Variants in PCDH15 observed in about 807,000 individuals in gnomAD.
PCDH15 encodes the protein protocadherin-15.
A neutral mutation model predicts 178.5 loss-of-function variants in PCDH15; 129 were observed. The observed-to-expected ratio is 0.72, with a 90% CI of 0.63 to 0.84. PCDH15 has a LOEUF of 0.84. Ranked by LOEUF, PCDH15 falls within the 40% of genes least tolerant of loss-of-function variation. The probability of loss-of-function intolerance (pLI) is 0.00; values close to 1 mark genes in which losing one functional copy is unlikely to be tolerated. For missense variants in PCDH15, 2,230 were observed against 2,099.9 expected, an observed-to-expected ratio of 1.06 and a Z score of -1.21; for synonymous variants, 800 against 732.0, an observed-to-expected ratio of 1.09 and a Z score of -1.50.
intron 2 of PCDH15, among the ~76,000 whole-genome samples, chr10:55,127,957 T>G (rs1271639419): frequency 6.6e-6 from 1 of 152,012 alleles, no homozygotes; most frequent in East Asian, 1.9e-4. Flanking sequence ...CCCAAGTGGT[T>G]TTCAAGATTG....
chr10:53,884,428 C>T (rs1412254916), intron 26 of PCDH15, among the ~76,000 whole-genome samples: 1 of 152,044 alleles, frequency 6.6e-6, no homozygotes, highest in African/African-American at 2.4e-5. Flanking sequence ...AATTAATGAC[C>T]CCAAATCACA....
At chr10:54,660,654 T>C (rs1360515140) in intron 2 of PCDH15, among the ~76,000 whole-genome samples, 1 of 151,774 alleles carries the variant, frequency 6.6e-6, no homozygotes, top group East Asian at 1.9e-4. Flanking sequence ...ACTGAACACA[T>C]ACACACAAAG....
chr10:54,668,586 A>C (rs946248230), intron 1 of PCDH15, among the ~76,000 whole-genome samples: 1 of 152,184 alleles, frequency 6.6e-6, no homozygotes, highest in African/African-American at 2.4e-5. Context: ...AAAGTCTGGA[A>C]ATACACAAAG....
At chr10:54,023,678 TGTTA>T (rs1471683393) in intron 18 of PCDH15, among the ~76,000 whole-genome samples, 1 of 120,590 alleles carries the variant, frequency 8.3e-6, no homozygotes, top group African/African-American at 2.6e-5. Flanking sequence ...TATGTTATGC[TGTTA>T]TTTATGTGAT....
chr10:54,110,456 C>A (rs1470356774), intron 15 of PCDH15, among the ~76,000 whole-genome samples: 1 of 151,960 alleles, frequency 6.6e-6, no homozygotes, highest in East Asian at 1.9e-4. Flanking sequence ...CTATTTGGGG[C>A]ATTACACTGT....
chr10:54,750,782 C>T (rs1344969353), intron 1 of PCDH15, among the ~76,000 whole-genome samples: 1 of 151,978 alleles, frequency 6.6e-6, no homozygotes, highest in East Asian at 1.9e-4. Flanking sequence ...AAATTTTTGT[C>T]AGTTTACAAA....
chr10:55,189,809 T>G (rs1839895528), intron 1 of PCDH15, among the ~76,000 whole-genome samples: 1 of 151,826 alleles, frequency 6.6e-6, no homozygotes, highest in Admixed American at 6.6e-5. Flanking sequence ...TCTTATACAT[T>G]AATGAATGGA....
At chr10:54,223,176 T>C (rs2053041656) in intron 9 of PCDH15, among the ~76,000 whole-genome samples, 1 of 151,610 alleles carries the variant, frequency 6.6e-6, no homozygotes, top group African/African-American at 2.4e-5. Context: ...CCAGGCATGG[T>C]GGCACTTGCC....
chr10:55,071,465 G>C (rs925664417), intron 2 of PCDH15, among the ~76,000 whole-genome samples: 5 of 152,180 alleles, frequency 3.3e-5, no homozygotes, highest in Non-Finnish European at 5.9e-5. Flanking sequence ...TGATAAAACA[G>C]ACTTTAAACC....
intron 3 of PCDH15, among the ~76,000 whole-genome samples, chr10:54,878,198 G>T (rs1430493201): frequency 6.6e-6 from 1 of 151,676 alleles, no homozygotes; most frequent in African/African-American, 2.4e-5. Flanking sequence ...CCTGACCTCA[G>T]GTGATCCACC....
chr10:55,573,821 G>A (rs1842449858), intron 2 of PCDH15, among the ~76,000 whole-genome samples: 1 of 151,778 alleles, frequency 6.6e-6, no homozygotes, highest in Non-Finnish European at 1.5e-5. Context: ...TATGGTCTAT[G>A]ATGTTTCCAT....
chr10:55,500,454 A>T (rs964861558), intron 2 of PCDH15, among the ~76,000 whole-genome samples: 5 of 151,784 alleles, frequency 3.3e-5, no homozygotes, highest in African/African-American at 1.2e-4. Context: ...TTTCCTATTG[A>T]GTGTTGAAGT....
At chr10:54,130,722 C>A (rs2042368603) in intron 15 of PCDH15, among the ~76,000 whole-genome samples, 1 of 152,190 alleles carries the variant, frequency 6.6e-6, no homozygotes, top group Admixed American at 6.5e-5. Context: ...ATCTTCAAAA[C>A]TATATTTCCC....
intron 18 of PCDH15, among the ~76,000 whole-genome samples, chr10:54,047,762 C>A (rs1195324010): frequency 6.6e-6 from 1 of 152,082 alleles, no homozygotes; most frequent in East Asian, 1.9e-4. Context: ...TTTTTTATGA[C>A]TGTTTAGTAC....
intron 13 of PCDH15, among the ~76,000 whole-genome samples, chr10:54,179,053 C>T (rs2047719959): frequency 6.6e-6 from 1 of 152,112 alleles, no homozygotes; most frequent in Middle Eastern, 3.2e-3. Flanking sequence ...TTTGACCCAG[C>T]CATCCCATTA....
intron 2 of PCDH15, among the ~76,000 whole-genome samples, chr10:55,137,173 T>C (rs1838217143): frequency 6.6e-6 from 1 of 152,192 alleles, no homozygotes; most frequent in Non-Finnish European, 1.5e-5. Flanking sequence ...TGATATTTCA[T>C]ACATTACAAT....
chr10:54,913,044 G>A (rs769113858), intron 2 of PCDH15, among the ~76,000 whole-genome samples: 3 of 152,152 alleles, frequency 2.0e-5, no homozygotes, highest in Non-Finnish European at 2.9e-5. Flanking sequence ...AAAGAAAGCA[G>A]AGCATAAAAG....
intron 3 of PCDH15, among the ~76,000 whole-genome samples, chr10:54,440,062 A>G (rs2075701661): frequency 6.6e-6 from 1 of 151,970 alleles, no homozygotes; most frequent in Admixed American, 6.6e-5. Flanking sequence ...ACTGGGGGGA[A>G]AAAAACTTCA....
intron 2 of PCDH15, among the ~76,000 whole-genome samples, chr10:55,330,313 T>A: frequency 6.6e-6 from 1 of 151,814 alleles, no homozygotes; most frequent in East Asian, 1.9e-4. Context: ...TTGACAGTAT[T>A]ATAAAAGGCA....
Sources: allele counts gnomAD v4.1 joint callset (sites outside exome capture counted in the v4.1 genomes callset), GRCh38; gene constraint gnomAD v4.1.1; transcripts MANE v1.5; gene names NCBI Gene and HGNC (gene_info 2026-07-23, HGNC 2026-07-21).